The following CLYBL variants were observed in gnomAD, a reference collection of about 807,000 sequenced individuals.
CLYBL encodes citramalyl-CoA lyase, mitochondrial.
CLYBL carries 31 observed loss-of-function variants against 38.9 expected under a neutral mutation model. The ratio of observed to expected loss-of-function variants is 0.80; its 90% CI spans 0.60 to 1.08. The LOEUF (loss-of-function observed/expected upper bound fraction) is 1.08. Among genes scored for constraint, CLYBL ranks in the 50% least tolerant of loss-of-function variants. CLYBL has a pLI of 0.00. For synonymous variants in CLYBL, 171 were observed against 158.6 expected (o/e 1.08, Z -0.59); for missense variants, 434 against 411.6 (o/e 1.05, Z -0.47).
rs7321720 is a variant in CLYBL at position 99,871,175 on chromosome 13, G to A, written c.927+113G>A. ...AGAAAACTCATCGTATCTGGAGAGGGGGGAAAGGGAGGGAACACAACATTC... is the reference window on the plus strand; with the variant it reads ...AGAAAACTCATCGTATCTGGAGAGGAGGGAAAGGGAGGGAACACAACATTC... On this transcript the variant is annotated intron_variant, in intron 7 of 8. Coordinates refer to ENST00000339105, the MANE Select transcript of CLYBL (RefSeq NM_206808.5). 18,235 of 1,244,048 alleles carry A rather than the reference G, an allele frequency of 0.015. 1,943 individuals are homozygous for A. In the African/African-American group the frequency reaches 0.24, roughly 16 times the overall value. 77.1% of individuals were successfully genotyped at this position (1,244,048 alleles called of 1,614,324 possible). A position where few individuals can be genotyped will look rare whatever the true frequency, so the allele number is the denominator to read the frequency against.
intron 1 of CLYBL, among the ~76,000 whole-genome samples, chr13:99,703,067 T>C (rs537185287): frequency 6.6e-6 from 1 of 152,256 alleles, no homozygotes; most frequent in Non-Finnish European, 1.5e-5. Context: ...TCAGGTAATC[T>C]AGTTGAAGTG....
At chr13:99,708,954 G>A (rs765174890) in intron 1 of CLYBL, among the ~76,000 whole-genome samples, 10 of 151,980 alleles carry the variant, frequency 6.6e-5, no homozygotes, top group African/African-American at 1.2e-4. Flanking sequence ...TTAGCCGGGC[G>A]TGGTGGCAGG....
chr13:99,662,484 G>T (rs2047422821), intron 1 of CLYBL, among the ~76,000 whole-genome samples: 2 of 145,082 alleles, frequency 1.4e-5, no homozygotes, highest in African/African-American at 2.5e-5. Flanking sequence ...TTAAAAAATA[G>T]ATTTGTGTAT....
Position 99,800,566 on chromosome 13 carries a change from C to T in CLYBL, c.249+27556C>T, listed in dbSNP as rs1039645751. On this transcript the variant is annotated intron_variant, in intron 2 of 8. Transcript: ENST00000339105. ...AAGGCTCACCTGAGCCAATACAATC[C>T]CTTTTGGCTTAAGACATAATTGTTT... Among the ~76,000 whole-genome samples, 5 of 152,264 alleles carry T rather than the reference C, an allele frequency of 3.3e-5. No individual in the cohort carries two copies. The East Asian group carries it at 9.7e-4, about 29-fold the overall frequency.
chr13:99,644,120 A>C (rs1010779413), intron 1 of CLYBL, among the ~76,000 whole-genome samples: 9 of 151,182 alleles, frequency 6.0e-5, no homozygotes, highest in Non-Finnish European at 1.0e-4. Context: ...GTATGTATGT[A>C]TATGTGGTGT....
chr13:99,801,299 A>T (rs985475014), intron 2 of CLYBL, among the ~76,000 whole-genome samples: 1 of 152,230 alleles, frequency 6.6e-6, no homozygotes, highest in Non-Finnish European at 1.5e-5. Context: ...TATTTATCAA[A>T]TACAGTTTGT....
chr13:99,876,387 A>G lies in CLYBL; in HGVS notation c.927+5325A>G, dbSNP rs182296153. Among the ~76,000 whole-genome samples the G allele has an allele frequency of 2.9e-3, 424 of 144,416 alleles. 1 individual carries two copies. Among genetic ancestry groups the G allele is most frequent in the African/African-American group, 0.011 (409 of 38,542 alleles). The allele number at this position is 144,416 out of a possible 152,430, so 94.7% of individuals were successfully genotyped here. A position where few individuals can be genotyped will look rare whatever the true frequency, so the allele number is the denominator to read the frequency against. On this transcript the variant is annotated intron_variant, in intron 7 of 8. Transcript: ENST00000339105. ...AGTGAGCCAAGATCACACCACTGCA[A>G]TCCAGCCTGGGTGACAGAACAAGAC...
At chr13:99,768,583 C>T (rs923583087) in intron 1 of CLYBL, among the ~76,000 whole-genome samples, 1 of 148,352 alleles carries the variant, frequency 6.7e-6, no homozygotes, top group Non-Finnish European at 1.5e-5. Context: ...GCAATCTCAG[C>T]TCACTGCAAC....
rs117651281 is a variant in CLYBL, at chr13:99,751,840, A to G, written c.63-20984A>G. ...TTTGCATTATACATATTTTACCACA[A>G]TACAAAAATAGTAGTGTTTCACATG... On this transcript the variant is annotated intron_variant, in intron 1 of 8. Transcript: ENST00000339105. Among the ~76,000 whole-genome samples, 520 of 152,362 alleles carry G rather than the reference A, an allele frequency of 3.4e-3. 4 individuals carry two copies. The highest frequency in any genetic ancestry group is 4.6e-3 in the Non-Finnish European group (313 of 68,028).
chr13:99,819,075 GT>G (rs2050519712), intron 2 of CLYBL, among the ~76,000 whole-genome samples: 1 of 152,100 alleles, frequency 6.6e-6, no homozygotes. Flanking sequence ...GCCAGGCGTG[GT>G]GGCTCACACC....
chr13:99,806,739 A>G (rs796095476), intron 2 of CLYBL, among the ~76,000 whole-genome samples: 12 of 152,338 alleles, frequency 7.9e-5, no homozygotes, highest in African/African-American at 2.9e-4. Flanking sequence ...TATTATGTAG[A>G]GCCATTCGTC....
chr13:99,627,305 T>G (rs184544627), intron 1 of CLYBL, among the ~76,000 whole-genome samples: 26 of 152,282 alleles, frequency 1.7e-4, no homozygotes, highest in African/African-American at 6.0e-4. Context: ...TGATGAGTAT[T>G]GTTTTAACAG....
intron 1 of CLYBL, among the ~76,000 whole-genome samples, chr13:99,682,978 T>A (rs2047759369): frequency 6.6e-6 from 1 of 151,276 alleles, no homozygotes. Context: ...CCTCAGGTGA[T>A]TCACCCACCT....
At chr13:99,660,446 C>T (rs2139329761) in intron 1 of CLYBL, among the ~76,000 whole-genome samples, 1 of 152,206 alleles carries the variant, frequency 6.6e-6, no homozygotes, top group East Asian at 1.9e-4. Context: ...GCTCATTGGT[C>T]CTTTGACCTG....
chr13:99,781,044 G>A (rs1373775750), intron 2 of CLYBL, among the ~76,000 whole-genome samples: 2 of 151,470 alleles, frequency 1.3e-5, no homozygotes, highest in African/African-American at 2.4e-5. Context: ...AATTACTGAC[G>A]AGTTTCACTT....
At chr13:99,801,138 A>C (rs1328656696) in intron 2 of CLYBL, among the ~76,000 whole-genome samples, 2 of 152,142 alleles carry the variant, frequency 1.3e-5, no homozygotes, top group Non-Finnish European at 2.9e-5. Flanking sequence ...AACTGTCACC[A>C]GGTGCCCCCC....
intron 1 of CLYBL, among the ~76,000 whole-genome samples, chr13:99,739,442 TC>T (rs144519515): frequency 0.02 from 3,091 of 152,150 alleles, 101 homozygotes; most frequent in African/African-American, 0.07. Flanking sequence ...GGCCAGGGTG[TC>T]CCCCAAGGTG....
intron 2 of CLYBL, among the ~76,000 whole-genome samples, chr13:99,858,371 A>G (rs959994108): frequency 6.6e-6 from 1 of 152,228 alleles, no homozygotes; most frequent in Admixed American, 6.5e-5. Flanking sequence ...TAAAAAAAGC[A>G]TGATGCCTGT....
chr13:99,654,969 A>T (rs2100198115), intron 1 of CLYBL, among the ~76,000 whole-genome samples: 1 of 151,946 alleles, frequency 6.6e-6, no homozygotes, highest in Non-Finnish European at 1.5e-5. Context: ...CGCGCTCCGA[A>T]GTCCATTCTT....
Sources: allele counts gnomAD v4.1 joint callset (sites outside exome capture counted in the v4.1 genomes callset), GRCh38; gene constraint gnomAD v4.1.1; transcripts MANE v1.5; gene names NCBI Gene and HGNC (gene_info 2026-07-23, HGNC 2026-07-21).